ADAMTSL3: variants seen among roughly 807,000 people sequenced by gnomAD.
The protein encoded by ADAMTSL3 is ADAMTS like 3, also known as ADAMTS-like protein 3.
A neutral mutation model predicts 201.7 loss-of-function variants in ADAMTSL3; 128 were observed. The observed-to-expected ratio is 0.63, with a 90% CI of 0.55 to 0.73. The LOEUF (loss-of-function observed/expected upper bound fraction) is 0.73, where lower values mean the gene tolerates loss of function less well. Ranked by LOEUF, ADAMTSL3 falls within the 30% of genes least tolerant of loss-of-function variation. ADAMTSL3 has a pLI of 0.00. For synonymous variants in ADAMTSL3, 738 were observed against 748.4 expected, an observed-to-expected ratio of 0.99 and a Z score of 0.23; for missense variants, 1,990 against 2,119.6, an observed-to-expected ratio of 0.94 and a Z score of 1.20.
At chr15:83,863,554 C>A (rs1596328038) in intron 8 of ADAMTSL3, among the ~76,000 whole-genome samples, 1 of 152,168 alleles carries the variant, frequency 6.6e-6, no homozygotes, top group Non-Finnish European at 1.5e-5. Context: ...TAAAGATGTT[C>A]TTTGAAACCA....
At chr15:83,790,107 C>T (rs1317300267) in intron 4 of ADAMTSL3, among the ~76,000 whole-genome samples, 1 of 151,344 alleles carries the variant, frequency 6.6e-6, no homozygotes, top group Non-Finnish European at 1.5e-5. Flanking sequence ...AACTCTCTCT[C>T]CTCAATCTTA....
intron 3 of ADAMTSL3, among the ~76,000 whole-genome samples, chr15:83,736,652 CA>C (rs548301148): frequency 2.0e-5 from 3 of 152,156 alleles, no homozygotes; most frequent in Non-Finnish European, 4.4e-5. Context: ...GAGAAATTGG[CA>C]TGTGGCCCTG....
intron 23 of ADAMTSL3, among the ~76,000 whole-genome samples, chr15:84,013,267 C>A (rs541505087): frequency 1.3e-5 from 2 of 152,326 alleles, no homozygotes; most frequent in South Asian, 2.1e-4. Context: ...GACTGCCTCC[C>A]AGGAAATAGG....
chr15:84,001,866 A>C (rs1254730304), intron 23 of ADAMTSL3, among the ~76,000 whole-genome samples: 1 of 152,186 alleles, frequency 6.6e-6, no homozygotes, highest in African/African-American at 2.4e-5. Flanking sequence ...TGACCTTGAC[A>C]CATGCTTCTG....
In ADAMTSL3 at chr15:83,739,157, C is replaced by T. The variant is rs550114357; in HGVS notation, c.190-34366C>T. ...TCTGAGATATGTTTAAAAACAATAG[C>T]TAAATGCTTTTTATAAGGGGATACA... is the stretch of plus-strand genomic sequence containing the variant. On this transcript the variant is annotated intron_variant, in intron 3 of 29. Coordinates refer to ENST00000286744, the MANE Select transcript of ADAMTSL3 (RefSeq NM_207517.3). Among the ~76,000 whole-genome samples the T allele has an allele frequency of 7.3e-4, 110 of 151,528 alleles. 1 individual carries two copies. The highest frequency in any genetic ancestry group is 1.2e-3 in the Admixed American group (19 of 15,202).
At position 83,954,024 on chromosome 15, in the gene ADAMTSL3, AG is replaced by A. The variant is rs781511467; in HGVS notation, c.2490+10943del. Among the ~76,000 whole-genome samples the A allele has an allele frequency of 3.8e-4, 58 of 152,262 alleles. 1 individual carries two copies. The highest frequency in any genetic ancestry group is 6.0e-4 in the Non-Finnish European group (41 of 68,004). ...CCTTGAGGTAGTCCTCTTTGCACTAAGTATGCTTGGTATTATATAACCTTCT... is the reference window on the plus strand; with the variant it reads ...CCTTGAGGTAGTCCTCTTTGCACTAATATGCTTGGTATTATATAACCTTCT... On this transcript the variant is annotated intron_variant, in intron 19 of 29. Transcript: ENST00000286744.
intron 15 of ADAMTSL3, among the ~76,000 whole-genome samples, chr15:83,909,068 A>G (rs550006581): frequency 9.3e-4 from 141 of 152,346 alleles, no homozygotes; most frequent in African/African-American, 3.3e-3. Context: ...TGAGCCAGCA[A>G]CAGTGGGTAA....
intron 27 of ADAMTSL3, 63 bp downstream of exon 27, chr15:84,025,499 A>G (rs1443795517): frequency 6.7e-7 from 1 of 1,484,234 alleles, no homozygotes; most frequent in African/African-American, 1.4e-5. Flanking sequence ...TGTGATAATA[A>G]TCACCTTGTT....
intron 2 of ADAMTSL3, among the ~76,000 whole-genome samples, chr15:83,670,316 G>C (rs1283626590): frequency 6.8e-6 from 1 of 146,976 alleles, no homozygotes; most frequent in Admixed American, 6.8e-5. Flanking sequence ...ATAAATTATA[G>C]GAAGAAGCTT....
chr15:83,743,898 C>T (rs56091379), intron 3 of ADAMTSL3, among the ~76,000 whole-genome samples: 21,242 of 151,792 alleles, frequency 0.14, 1,809 homozygotes, highest in East Asian at 0.28. Flanking sequence ...GTTGCCCAGG[C>T]GGAGTGCAGT....
intron 9 of ADAMTSL3, among the ~76,000 whole-genome samples, chr15:83,883,878 C>A (rs2065331369): frequency 7.0e-6 from 1 of 143,468 alleles, no homozygotes; most frequent in South Asian, 2.2e-4. Context: ...GTTTTTCTAA[C>A]ACATTAATTT....
intron 23 of ADAMTSL3, among the ~76,000 whole-genome samples, chr15:84,008,365 G>A (rs2067935177): frequency 6.6e-6 from 1 of 152,214 alleles, no homozygotes; most frequent in Non-Finnish European, 1.5e-5. Flanking sequence ...ACAATGCTGA[G>A]ATTACAGGTG....
intron 3 of ADAMTSL3, among the ~76,000 whole-genome samples, chr15:83,750,078 C>T (rs1027216498): frequency 1.3e-5 from 2 of 152,202 alleles, no homozygotes; most frequent in African/African-American, 4.8e-5. Context: ...TTAACTGATT[C>T]CTCCACTCTA....
At chr15:83,977,091 CTCTGCCT>C (rs1157362301) in intron 20 of ADAMTSL3, among the ~76,000 whole-genome samples, 1 of 152,160 alleles carries the variant, frequency 6.6e-6, no homozygotes, top group African/African-American at 2.4e-5. Flanking sequence ...ACCACCTGAG[CTCTGCCT>C]TCTGTCAGAT....
At chr15:83,699,308 G>A (rs28548261) in intron 2 of ADAMTSL3, among the ~76,000 whole-genome samples, 28,449 of 151,940 alleles carry the variant, frequency 0.19, 3,761 homozygotes, top group African/African-American at 0.36. Flanking sequence ...CAACAAATCA[G>A]TTTCTGCCTC....
chr15:84,018,182 A>G (rs973303233), intron 25 of ADAMTSL3, among the ~76,000 whole-genome samples: 2 of 152,246 alleles, frequency 1.3e-5, no homozygotes, highest in Non-Finnish European at 2.9e-5. Context: ...TATTGGGACT[A>G]CTTGCATTGT....
intron 2 of ADAMTSL3, among the ~76,000 whole-genome samples, chr15:83,667,701 G>A (rs543265631): frequency 6.6e-6 from 1 of 151,766 alleles, no homozygotes; most frequent in Non-Finnish European, 1.5e-5. Flanking sequence ...GAAAAAGCAG[G>A]TATTGTCCCC....
At chr15:83,914,707 A>C (rs1389952892) in intron 16 of ADAMTSL3, among the ~76,000 whole-genome samples, 1 of 152,128 alleles carries the variant, frequency 6.6e-6, no homozygotes, top group Non-Finnish European at 1.5e-5. Flanking sequence ...CATCTGCTGC[A>C]TCTCTTCCCT....
intron 21 of ADAMTSL3, among the ~76,000 whole-genome samples, chr15:83,985,431 G>A (rs896206491): frequency 2.6e-5 from 4 of 151,936 alleles, no homozygotes; most frequent in African/African-American, 9.7e-5. Context: ...ATCATAGTGT[G>A]GACTTTTTTG....
Sources: allele counts gnomAD v4.1 joint callset (sites outside exome capture counted in the v4.1 genomes callset), GRCh38; gene constraint gnomAD v4.1.1; transcripts MANE v1.5; gene names NCBI Gene and HGNC (gene_info 2026-07-23, HGNC 2026-07-21).